Variants in SEL1L observed in about 807,000 individuals in gnomAD.
SEL1L encodes the protein SEL1L adaptor subunit of SYVN1 ubiquitin ligase, also known as protein sel-1 homolog 1.
Under a neutral mutation model 109.8 loss-of-function variants are expected in SEL1L, and 52 were observed. That is an observed-to-expected ratio of 0.47 (90% CI 0.38 to 0.60). SEL1L has a LOEUF of 0.60. SEL1L is among the 20% of genes least tolerant of loss of function. The probability of loss-of-function intolerance (pLI) is 0.00; values close to 1 mark genes in which losing one functional copy is unlikely to be tolerated. For missense variants in SEL1L, 749 were observed against 962.2 expected (o/e 0.78, Z 2.93); for synonymous variants, 373 against 339.6 (o/e 1.10, Z -1.08).
Position 81,490,477 on chromosome 14 carries a change from A to T in SEL1L, c.1255-12T>A. ...CCTTCCGAATACATCTGGAAAACAG[A>T]TCCCAATTTCAGTAAGAGCTGTAAC... On this transcript the variant is annotated splice_polypyrimidine_tract_variant and intron_variant, in intron 12 of 20. Coordinates refer to ENST00000336735, the MANE Select transcript of SEL1L (RefSeq NM_005065.6). 6.2e-7 allele frequency: 1 copy of T among 1,605,330 alleles called. No homozygotes were observed. The highest frequency in any genetic ancestry group is 8.5e-7 in the Non-Finnish European group (1 of 1,172,120).
rs1903450108 is a variant in SEL1L at position 81,484,249 on chromosome 14, A to G, written c.2022T>C (p.His674=). ...AQAMFNLGYM[H]EKGLGIKQDI... is the part of the protein sequence containing the mutation. ...CCTGTTTAATGCCCAGTCCTTTCTC[A>G]TGCATATATCCCAGATTAAACATAG... is the stretch of plus-strand genomic sequence containing the variant. Residue 674 remains histidine (H), a synonymous_variant, in exon 19 of 21, where the codon CAT becomes CAC. Transcript: ENST00000336735. The G allele has an allele frequency of 3.1e-6, 5 of 1,613,420 alleles. No individual in the cohort carries two copies. The highest frequency in any genetic ancestry group is 4.2e-6 in the Non-Finnish European group (5 of 1,179,408).
At chr14:81,490,367 T>C (rs1244712359) in intron 13 of SEL1L, 21 bp downstream of exon 13, 10 of 1,576,382 alleles carry the variant, frequency 6.3e-6, no homozygotes, top group South Asian at 3.3e-5. Flanking sequence ...CACATTTCAG[T>C]ACACTGAGAC....
Position 81,475,368 on chromosome 14 carries a change from C to T in SEL1L, c.*1604G>A, listed in dbSNP as rs1903127007. On this transcript the variant is annotated 3_prime_UTR_variant, in exon 21 of 21. Transcript: ENST00000336735. Reference sequence around the variant, plus strand: ...ACCAGGTTTCCCATAATTCTCTAAACACAAAAAGGTATACAACTTCATATA... The same window carrying T: ...ACCAGGTTTCCCATAATTCTCTAAATACAAAAAGGTATACAACTTCATATA... 1.3e-5 allele frequency: 2 copies of T among 152,548 alleles called. No homozygotes were observed. Among genetic ancestry groups the T allele is most frequent in the Admixed American group, 1.3e-4 (2 of 15,272 alleles). The allele number at this position is 152,548 out of a possible 1,614,324, so 9.4% of individuals were successfully genotyped here. A position where few individuals can be genotyped will look rare whatever the true frequency, so the allele number is the denominator to read the frequency against.
chr14:81,526,189 CTA>C (rs1218590171), intron 3 of SEL1L, among the ~76,000 whole-genome samples: 2 of 152,038 alleles, frequency 1.3e-5, no homozygotes, highest in African/African-American at 4.8e-5. Context: ...ATTTAGAAGA[CTA>C]TTGTGAAAAA....
At position 81,472,528 on chromosome 14, in the gene SEL1L, A is replaced by G; in HGVS notation, c.*4444T>C. ...TTTCTCCTTTACTCAGAGCATATTT[A>G]GTCTAAATGTTACTGTGTGGTACGT... On this transcript the variant is annotated 3_prime_UTR_variant, in exon 21 of 21. Transcript: ENST00000336735. 1 of 413,676 alleles carries G rather than the reference A, an allele frequency of 2.4e-6. No homozygotes were observed. The highest frequency in any genetic ancestry group is 1.8e-5 in the South Asian group (1 of 56,178). 25.6% of individuals were successfully genotyped at this position (413,676 alleles called of 1,614,324 possible).
In SEL1L at chr14:81,526,766, C is replaced by T. The variant is rs775958730; in HGVS notation, c.307G>A (p.Asp103Asn). 1.2e-6 allele frequency: 2 copies of T among 1,609,798 alleles called. No individual in the cohort carries two copies. Among genetic ancestry groups the T allele is most frequent in the Admixed American group, 3.4e-5 (2 of 58,962 alleles). Residue 103 changes from aspartate (D) to asparagine (N), a missense_variant, in exon 3 of 21, where the codon GAC becomes AAC. Transcript: ENST00000336735. Reference sequence around the variant, plus strand: ...CGTACTTTCTTTGGCTCTTCATAGTCCTTGTTTTCTGGATTTGGAGACTCT... The same window carrying T: ...CGTACTTTCTTTGGCTCTTCATAGTTCTTGTTTTCTGGATTTGGAGACTCT... The part of the protein sequence containing the change: ...FLESPNPENK[D>N]YEEPKKVRKP...
chr14:81,524,006 T>C (rs184404056), intron 3 of SEL1L, among the ~76,000 whole-genome samples: 1 of 152,324 alleles, frequency 6.6e-6, no homozygotes, highest in Non-Finnish European at 1.5e-5. Context: ...GGGCACCAAA[T>C]TTTCATTTCA....
At chr14:81,499,543 A>G in intron 7 of SEL1L, 25 bp from the exon 8 acceptor site, 1 of 1,609,444 alleles carries the variant, frequency 6.2e-7, no homozygotes, top group Non-Finnish European at 8.5e-7. Context: ...AACATGTTTA[A>G]CTGAACATAG....
intron 6 of SEL1L, among the ~76,000 whole-genome samples, chr14:81,501,649 T>G (rs1381871068): frequency 1.3e-5 from 2 of 152,284 alleles, no homozygotes; most frequent in East Asian, 3.9e-4. Context: ...ATTTCACTTA[T>G]CTTTAAGCAA....
At chr14:81,478,659 A>T (rs1903249172) in intron 20 of SEL1L, among the ~76,000 whole-genome samples, 1 of 152,224 alleles carries the variant, frequency 6.6e-6, no homozygotes, top group African/African-American at 2.4e-5. Flanking sequence ...AGCAACTGAC[A>T]TTACACATGT....
intron 16 of SEL1L, 86 bp from the exon 17 acceptor site, chr14:81,486,540 G>GTT (rs1376964491): frequency 1.5e-6 from 2 of 1,327,464 alleles, no homozygotes; most frequent in Non-Finnish European, 2.1e-6. Context: ...GGTTACACAT[G>GTT]ACTATTAAGC....
rs560553215 is a variant in SEL1L at position 81,482,835 on chromosome 14, T to C, written c.2046+1390A>G. On this transcript the variant is annotated intron_variant, in intron 19 of 20. Transcript: ENST00000336735. ...CCGCATTAGCAAAAATGAACAACTT[T>C]CCCTCAATCCTTAGGTCAACAAAGG... Among the ~76,000 whole-genome samples the C allele has an allele frequency of 3.3e-5, 5 of 152,302 alleles. No homozygotes were observed. The East Asian group carries it at 9.6e-4, about 29-fold the overall frequency.
chr14:81,488,693 T>C (rs887723079), intron 14 of SEL1L: 2 of 152,838 alleles, frequency 1.3e-5, no homozygotes, highest in Non-Finnish European at 2.9e-5. Flanking sequence ...TCAAGTGAGG[T>C]AGAACCAAAA....
At chr14:81,521,099 A>G (rs556445351) in intron 3 of SEL1L, among the ~76,000 whole-genome samples, 2 of 152,300 alleles carry the variant, frequency 1.3e-5, no homozygotes, top group South Asian at 4.1e-4. Context: ...TGTAAGTTCA[A>G]TTTGTCAATC....
chr14:81,489,820 G>GA (rs1430316654), intron 13 of SEL1L, among the ~76,000 whole-genome samples: 9 of 150,458 alleles, frequency 6.0e-5, no homozygotes, highest in East Asian at 1.9e-4. Context: ...TTTGGGACTA[G>GA]AAAGAAAAAA....
At chr14:81,507,055 G>C (rs1405383768) in intron 3 of SEL1L, among the ~76,000 whole-genome samples, 3 of 152,182 alleles carry the variant, frequency 2.0e-5, no homozygotes, top group Admixed American at 2.0e-4. Flanking sequence ...GGGGTGGGTA[G>C]GAGTACTCAA....
chr14:81,498,158 G>T, intron 9 of SEL1L, 112 bp from the exon 10 acceptor site: 1 of 1,155,800 alleles, frequency 8.7e-7, no homozygotes. Flanking sequence ...GTTAAAGGAA[G>T]CTGTTTTTAC....
intron 12 of SEL1L, 76 bp from the exon 13 acceptor site, chr14:81,490,541 T>C (rs1276819019): frequency 3.6e-6 from 4 of 1,117,140 alleles, no homozygotes; most frequent in South Asian, 1.3e-5. Context: ...CTCATCTCCT[T>C]TGAGTTTTGT....
At chr14:81,510,514 CTATATATA>C (rs1555346599) in intron 3 of SEL1L, among the ~76,000 whole-genome samples, 1 of 104,052 alleles carries the variant, frequency 9.6e-6, no homozygotes, top group African/African-American at 3.4e-5. Flanking sequence ...CTCTCTCTCT[CTATATATA>C]TATATATAGA....
Sources: allele counts gnomAD v4.1 joint callset (sites outside exome capture counted in the v4.1 genomes callset), GRCh38; gene constraint gnomAD v4.1.1; transcripts MANE v1.5; gene names NCBI Gene and HGNC (gene_info 2026-07-23, HGNC 2026-07-21).